The following RANBP2 variants were observed in gnomAD, a reference collection of about 807,000 sequenced individuals.
The protein encoded by RANBP2 is E3 SUMO-protein ligase RanBP2.
Under a neutral mutation model 303.6 loss-of-function variants are expected in RANBP2, and 57 were observed. That is an observed-to-expected ratio of 0.19 (90% CI 0.15 to 0.23). RANBP2 has a LOEUF of 0.23. RANBP2 is among the 10% of genes least tolerant of loss of function. The probability of loss-of-function intolerance (pLI) is 1.00; values close to 1 mark genes in which losing one functional copy is unlikely to be tolerated. For synonymous variants in RANBP2, 1,167 were observed against 1,301.5 expected (o/e 0.90, Z 2.23); for missense variants, 3,138 against 3,780.8 (o/e 0.83, Z 4.46).
chr2:109,163,601 G>A, the RANBP2 span, among the ~76,000 whole-genome samples: 4 of 151,234 alleles, frequency 2.6e-5, no homozygotes, highest in Admixed American at 6.6e-5. Context: ...GGGTTTCACC[G>A]TTTTAGCCGG....
At chr2:108,725,408 AT>A (rs1267904329) in intron 1 of RANBP2, among the ~76,000 whole-genome samples, 1 of 152,210 alleles carries the variant, frequency 6.6e-6, no homozygotes. Context: ...AAAGAAGGTA[AT>A]GGAATTATTT....
the RANBP2 span, among the ~76,000 whole-genome samples, chr2:109,339,435 G>A: frequency 9.3e-3 from 1,411 of 152,234 alleles, 14 homozygotes; most frequent in Non-Finnish European, 0.015. Flanking sequence ...GGTCTTCTGC[G>A]GTGGCTGGAG....
At chr2:109,251,895 T>C in the RANBP2 span, among the ~76,000 whole-genome samples, 2 of 152,206 alleles carry the variant, frequency 1.3e-5, no homozygotes, top group Non-Finnish European at 2.9e-5. Flanking sequence ...TTCTAGACTT[T>C]GAGTTCTCAA....
the RANBP2 span, among the ~76,000 whole-genome samples, chr2:109,241,028 A>G: frequency 6.6e-6 from 1 of 152,214 alleles, no homozygotes; most frequent in Non-Finnish European, 1.5e-5. Flanking sequence ...AGAACTCTAT[A>G]GAGCATCAGA....
the RANBP2 span, among the ~76,000 whole-genome samples, chr2:109,011,967 A>T: frequency 6.6e-6 from 1 of 152,000 alleles, no homozygotes; most frequent in African/African-American, 2.4e-5. Context: ...ATCTTCCCGT[A>T]CCTTTCTGAG....
At chr2:109,390,344 G>C in the RANBP2 span, among the ~76,000 whole-genome samples, 1 of 152,188 alleles carries the variant, frequency 6.6e-6, no homozygotes, top group Non-Finnish European at 1.5e-5. Flanking sequence ...TCTGCTCACA[G>C]GACACCCCTG....
At chr2:108,805,700 C>A in the RANBP2 span, among the ~76,000 whole-genome samples, 2 of 151,728 alleles carry the variant, frequency 1.3e-5, no homozygotes, top group Non-Finnish European at 2.9e-5. Flanking sequence ...GCACTCCAGC[C>A]TGGGCGACAG....
chr2:109,133,808 A>G, the RANBP2 span, among the ~76,000 whole-genome samples: 1 of 151,686 alleles, frequency 6.6e-6, no homozygotes, highest in Non-Finnish European at 1.5e-5. Context: ...TATGAGTACA[A>G]CTTGCATTAG....
At chr2:108,800,291 G>C in the RANBP2 span, among the ~76,000 whole-genome samples, 14 of 152,088 alleles carry the variant, frequency 9.2e-5, no homozygotes, top group Admixed American at 9.2e-4. Context: ...TTTTGAGATA[G>C]TCTCGCTCTG....
chr2:109,492,862 A>G, the RANBP2 span, among the ~76,000 whole-genome samples: 1 of 152,008 alleles, frequency 6.6e-6, no homozygotes, highest in South Asian at 2.1e-4. Flanking sequence ...GGGCTGCACC[A>G]TTGTTGGGTC....
At chr2:108,800,937 T>C in the RANBP2 span, among the ~76,000 whole-genome samples, 1 of 113,626 alleles carries the variant, frequency 8.8e-6, no homozygotes, top group Non-Finnish European at 1.8e-5. Flanking sequence ...TTCATCCATG[T>C]CCCTACAAAG....
At chr2:109,034,514 A>G in the RANBP2 span, among the ~76,000 whole-genome samples, 1 of 152,090 alleles carries the variant, frequency 6.6e-6, no homozygotes, top group Non-Finnish European at 1.5e-5. Context: ...AAGAAAGACA[A>G]AGCAGCAAGC....
chr2:109,673,772 G>A, the RANBP2 span, among the ~76,000 whole-genome samples: 4 of 152,048 alleles, frequency 2.6e-5, no homozygotes, highest in African/African-American at 7.2e-5. Context: ...GGGAGGTGGG[G>A]AGGGGAACAA....
the RANBP2 span, among the ~76,000 whole-genome samples, chr2:109,636,972 A>C: frequency 6.6e-6 from 1 of 152,170 alleles, no homozygotes; most frequent in Non-Finnish European, 1.5e-5. Context: ...CGCTCAGCAT[A>C]CCAAGGACCT....
the RANBP2 span, chr2:109,585,749 T>C: frequency 2.0e-3 from 3,171 of 1,613,512 alleles, 58 homozygotes; most frequent in African/African-American, 0.037. Flanking sequence ...AGCAGAAACC[T>C]TGCTGAATGG....
the RANBP2 span, among the ~76,000 whole-genome samples, chr2:109,439,281 G>A: frequency 3.3e-5 from 5 of 152,044 alleles, no homozygotes; most frequent in African/African-American, 1.2e-4. Context: ...ATGGTTAAAC[G>A]GCTCCCCAGT....
chr2:109,019,968 T>G, the RANBP2 span, among the ~76,000 whole-genome samples: 1 of 152,036 alleles, frequency 6.6e-6, no homozygotes, highest in Non-Finnish European at 1.5e-5. Flanking sequence ...GTGAGCAGAG[T>G]TACAGAGCCC....
chr2:109,585,654 T>C, the RANBP2 span: 4 of 1,053,052 alleles, frequency 3.8e-6, no homozygotes, highest in Non-Finnish European at 5.9e-6. Context: ...GTTCTGCCCA[T>C]GACAAGAATG....
At chr2:108,832,800 C>T in the RANBP2 span, among the ~76,000 whole-genome samples, 1 of 152,098 alleles carries the variant, frequency 6.6e-6, no homozygotes, top group Admixed American at 6.6e-5. Context: ...CTGCCTTAGT[C>T]GTGACGTGTA....
Sources: allele counts gnomAD v4.1 joint callset (sites outside exome capture counted in the v4.1 genomes callset), GRCh38; gene constraint gnomAD v4.1.1; transcripts MANE v1.5; gene names NCBI Gene and HGNC (gene_info 2026-07-23, HGNC 2026-07-21).